KAT7: variants seen among roughly 807,000 people sequenced by gnomAD.
KAT7 encodes the protein histone acetyltransferase KAT7.
Under a neutral mutation model 82.1 loss-of-function variants are expected in KAT7, and 10 were observed. The observed-to-expected ratio is 0.12, with a 90% CI of 0.08 to 0.21. The LOEUF is 0.21. Among genes scored for constraint, KAT7 ranks in the 10% least tolerant of loss-of-function variants. The pLI is 1.00. For missense variants in KAT7, 378 were observed against 760.9 expected, an observed-to-expected ratio of 0.50 and a Z score of 5.92; for synonymous variants, 250 against 262.5, an observed-to-expected ratio of 0.95 and a Z score of 0.46.
At chr17:49,808,429 T>TTTTCTTTC (rs573085643) in intron 5 of KAT7, among the ~76,000 whole-genome samples, 19 of 146,514 alleles carry the variant, frequency 1.3e-4, no homozygotes, top group African/African-American at 3.8e-4. Context: ...CAAGCCCAGG[T>TTTTCTTTC]TTTCTTTCTT....
At chr17:49,791,605 C>T (rs1438697064) in intron 1 of KAT7, among the ~76,000 whole-genome samples, 1 of 152,226 alleles carries the variant, frequency 6.6e-6, no homozygotes, top group African/African-American at 2.4e-5. Context: ...TTGCAGTGAG[C>T]CACGATTGCG....
chr17:49,791,165 G>A (rs888725436), intron 1 of KAT7, among the ~76,000 whole-genome samples: 1 of 152,184 alleles, frequency 6.6e-6, no homozygotes, highest in Non-Finnish European at 1.5e-5. Context: ...TTTGGGATTA[G>A]AGTTGTGGTC....
Position 49,833,038 on chromosome 17 carries a change from A to G in KAT7, c.*5536A>G, listed in dbSNP as rs539192629. ...AAAATCCCAATGAATGTCACCAAGA[A>G]GGAAACAAAGGATTGCCCAGCGATG... is the stretch of plus-strand genomic sequence containing the variant. On this transcript the variant is annotated 3_prime_UTR_variant, in exon 15 of 15. Transcript: ENST00000259021. 5.9e-5 allele frequency: 9 copies of G among 152,226 alleles called. No individual in the cohort carries two copies. Among genetic ancestry groups the G allele is most frequent in the Non-Finnish European group, 1.0e-4 (7 of 68,050 alleles). The allele number at this position is 152,226 out of a possible 1,614,324, so 9.4% of individuals were successfully genotyped here. A position where few individuals can be genotyped will look rare whatever the true frequency, so the allele number is the denominator to read the frequency against.
At chr17:49,816,168 A>T (rs1354039562) in intron 8 of KAT7, among the ~76,000 whole-genome samples, 29 of 151,996 alleles carry the variant, frequency 1.9e-4, no homozygotes, top group Admixed American at 1.6e-3. Context: ...GCTAGAGCTG[A>T]TGAGGCTGGA....
intron 7 of KAT7, among the ~76,000 whole-genome samples, chr17:49,813,320 C>T (rs1455614031): frequency 6.6e-6 from 1 of 152,088 alleles, no homozygotes; most frequent in Non-Finnish European, 1.5e-5. Context: ...ATAATGGCCT[C>T]CAGTTGCATC....
rs751687487 is a variant in KAT7 at position 49,815,906 on chromosome 17, A to G, written c.956A>G (p.Glu319Gly). 6 of 1,607,488 alleles carry G rather than the reference A, an allele frequency of 3.7e-6. No individual in the cohort carries two copies. Among genetic ancestry groups the G allele is most frequent in the Non-Finnish European group, 4.3e-6 (5 of 1,174,008 alleles). Reference protein sequence around the residue: ...LFRRAQARASEDLEKLRLQGQ... With the variant: ...LFRRAQARASGDLEKLRLQGQ... The stretch of plus-strand genomic sequence containing the variant: ...CGAAGAGCACAAGCCCGGGCTTCAG[A>G]GGATTTGGTGAGTATTAAAACCTCC... The change falls in exon 8 of 15, where the codon GAG (glutamate) becomes GGG (glycine). Residue 319 changes from glutamate (E) to glycine (G), a missense_variant. By Grantham distance (98) the Glu-to-Gly change is moderately conservative. Coordinates refer to ENST00000259021, the MANE Select transcript of KAT7 (RefSeq NM_007067.5).
At chr17:49,794,147 A>G (rs113636159) in intron 2 of KAT7, among the ~76,000 whole-genome samples, 1 of 152,184 alleles carries the variant, frequency 6.6e-6, no homozygotes, top group Non-Finnish European at 1.5e-5. Context: ...AAGATCTTAC[A>G]GTTCAGTGCA....
At chr17:49,827,318 CTT>C in intron 14 of KAT7, 81 bp from the exon 15 acceptor site, 1 of 818,386 alleles carries the variant, frequency 1.2e-6, no homozygotes, top group South Asian at 1.4e-5. Context: ...GCAATTCCTT[CTT>C]GGCGGTTAGT....
At chr17:49,795,169 G>C (rs1236157596) in intron 2 of KAT7, among the ~76,000 whole-genome samples, 1 of 152,110 alleles carries the variant, frequency 6.6e-6, no homozygotes, top group Non-Finnish European at 1.5e-5. Context: ...ACAAAGAAAT[G>C]ACAAGTGTTT....
rs2074311473 is a variant in KAT7, at chr17:49,822,114, A to C, written c.1386+324A>C. Among the ~76,000 whole-genome samples the C allele has an allele frequency of 2.0e-5, 3 of 152,008 alleles. No homozygotes were observed. The South Asian group carries it at 6.2e-4, about 31-fold the overall frequency. On this transcript the variant is annotated intron_variant, in intron 11 of 14. Transcript: ENST00000259021. ...AGTTCTGCTGGCTTTGCCTGCCTCTATGTTATTAGCTTAAAACCAGGAATA... is the reference window on the plus strand; with the variant it reads ...AGTTCTGCTGGCTTTGCCTGCCTCTCTGTTATTAGCTTAAAACCAGGAATA...
Position 49,805,352 on chromosome 17 carries a change from T to A in KAT7, c.581-11T>A. The A allele has an allele frequency of 2.5e-6, 4 of 1,586,114 alleles. No homozygotes were observed. Among genetic ancestry groups the A allele is most frequent in the Non-Finnish European group, 3.5e-6 (4 of 1,155,406 alleles). On this transcript the variant is annotated splice_polypyrimidine_tract_variant and intron_variant, in intron 4 of 14. Coordinates refer to ENST00000259021, the MANE Select transcript of KAT7 (RefSeq NM_007067.5). ...TTCTTTCTTGAGATTAAGTTTTCCC[T>A]CCTTTAACAGGACACCTTACAGGAA... is the stretch of plus-strand genomic sequence containing the variant.
At chr17:49,801,892 C>T (rs944532544) in intron 4 of KAT7, among the ~76,000 whole-genome samples, 17 of 152,184 alleles carry the variant, frequency 1.1e-4, no homozygotes, top group African/African-American at 4.1e-4. Context: ...AAAAATTGCC[C>T]TTAACTCATA....
intron 4 of KAT7, among the ~76,000 whole-genome samples, 191 bp from the exon 5 acceptor site, chr17:49,805,172 A>C (rs1411827271): frequency 6.6e-6 from 1 of 152,246 alleles, no homozygotes; most frequent in Non-Finnish European, 1.5e-5. Flanking sequence ...AAAGACTGCC[A>C]GATCCATCCT....
chr17:49,826,432 T>C (rs1275943961), intron 13 of KAT7: 3 of 506,386 alleles, frequency 5.9e-6, no homozygotes, highest in African/African-American at 1.9e-5. Context: ...TGTGTATTTA[T>C]GCAAGGGTGG....
Position 49,811,591 on chromosome 17 carries a change from T to G in KAT7, c.852+17T>G. 4.7e-6 allele frequency: 6 copies of G among 1,276,450 alleles called. No homozygotes were observed. The highest frequency in any genetic ancestry group is 5.4e-6 in the Non-Finnish European group (5 of 927,628). The allele number at this position is 1,276,450 out of a possible 1,614,324, so 79.1% of individuals were successfully genotyped here. Reference sequence around the variant, plus strand: ...AAATATATGGTGAGGGAAAGTTAAATATTTAATGAGCATGAACTCCTGCTA... The same window carrying G: ...AAATATATGGTGAGGGAAAGTTAAAGATTTAATGAGCATGAACTCCTGCTA... On this transcript the variant is annotated intron_variant, in intron 7 of 14. Coordinates refer to ENST00000259021, the MANE Select transcript of KAT7 (RefSeq NM_007067.5).
intron 3 of KAT7, 75 bp from the exon 4 acceptor site, chr17:49,798,244 C>A: frequency 7.2e-7 from 1 of 1,394,396 alleles, no homozygotes; most frequent in East Asian, 2.3e-5. Context: ...ACCTGGGAAG[C>A]CCATAAACTC....
In KAT7 at chr17:49,821,640, C is replaced by T; in HGVS notation, c.1246-10C>T. On this transcript the variant is annotated splice_polypyrimidine_tract_variant and intron_variant, in intron 10 of 14. Coordinates refer to ENST00000259021, the MANE Select transcript of KAT7 (RefSeq NM_007067.5). ...TGGCCCACACATGAACTCTGTTTCT[C>T]TGCTTCCAGATCTACTGCCAAAACC... 1.9e-6 allele frequency: 3 copies of T among 1,612,712 alleles called. No individual in the cohort carries two copies. The highest frequency in any genetic ancestry group is 1.7e-6 in the Non-Finnish European group (2 of 1,179,972).
chr17:49,797,505 ACTTTT>A, intron 3 of KAT7, among the ~76,000 whole-genome samples: 1 of 152,266 alleles, frequency 6.6e-6, no homozygotes, highest in Middle Eastern at 3.4e-3. Flanking sequence ...CTTGAAGCAG[ACTTTT>A]CTTATAGCCA....
rs2073894456 is a variant in KAT7 at position 49,791,920 on chromosome 17, A to G, written c.50A>G (p.Asp17Gly). The G allele has an allele frequency of 6.2e-7, 1 of 1,614,162 alleles. No homozygotes were observed. The highest frequency in any genetic ancestry group is 8.5e-7 in the Non-Finnish European group (1 of 1,179,978). The change falls in exon 2 of 15, where the codon GAT (aspartate) becomes GGT (glycine). Residue 17 changes from aspartate to glycine, a missense_variant. By Grantham distance (94) the Asp-to-Gly change is moderately conservative. Coordinates refer to ENST00000259021, the MANE Select transcript of KAT7 (RefSeq NM_007067.5). ...NAGSSSDGTE[D>G]SDFSTDLEHT... ...GGCAGTAGTTCAGATGGAACCGAAGATTCCGATTTTTCTACAGATCTCGAG... is the reference window on the plus strand; with the variant it reads ...GGCAGTAGTTCAGATGGAACCGAAGGTTCCGATTTTTCTACAGATCTCGAG...
Sources: allele counts gnomAD v4.1 joint callset (sites outside exome capture counted in the v4.1 genomes callset), GRCh38; gene constraint gnomAD v4.1.1; transcripts MANE v1.5; gene names NCBI Gene and HGNC (gene_info 2026-07-23, HGNC 2026-07-21).